The following ST3GAL4 variants were observed in gnomAD, a reference collection of about 807,000 sequenced individuals.
The protein encoded by ST3GAL4 is ST3 beta-galactoside alpha-2,3-sialyltransferase 4.
Under a neutral mutation model 42.6 loss-of-function variants are expected in ST3GAL4, and 24 were observed. The ratio of observed to expected loss-of-function variants is 0.56; its 90% CI spans 0.41 to 0.79. The LOEUF is 0.79. Among genes scored for constraint, ST3GAL4 ranks in the 30% least tolerant of loss-of-function variants. ST3GAL4 has a pLI of 0.00. For missense variants in ST3GAL4, 311 were observed against 430.8 expected, an observed-to-expected ratio of 0.72 and a Z score of 2.46; for synonymous variants, 135 against 163.2, an observed-to-expected ratio of 0.83 and a Z score of 1.32.
chr11:126,392,978 T>G lies in ST3GAL4; in HGVS notation c.-60-13118T>G, dbSNP rs1953575636. On this transcript the variant is annotated intron_variant, in intron 1 of 10. Coordinates refer to ENST00000444328, the MANE Select transcript of ST3GAL4 (RefSeq NM_001254757.2). The surrounding 1 kb of genome is among the most constrained non-coding windows in gnomAD (Gnocchi z 5.8). ...TCCTGTTCTTTTTTTTTTTTTTTTT[T>G]GAGACAGGCTAGAGTGCAGGGGGAC... Among the ~76,000 whole-genome samples the G allele has an allele frequency of 6.9e-6, 1 of 144,632 alleles. No homozygotes were observed. Among genetic ancestry groups the G allele is most frequent in the Non-Finnish European group, 1.5e-5 (1 of 65,998 alleles). The allele number at this position is 144,632 out of a possible 152,430, so 94.9% of individuals were successfully genotyped here.
intron 1 of ST3GAL4, among the ~76,000 whole-genome samples, chr11:126,402,472 A>C (rs1434850765): frequency 2.0e-5 from 3 of 151,340 alleles, no homozygotes; most frequent in Admixed American, 6.6e-5. Flanking sequence ...AAAAAAAAGA[A>C]GAAGAAGAAG....
intron 1 of ST3GAL4, among the ~76,000 whole-genome samples, chr11:126,382,190 G>A (rs1264566356): frequency 2.7e-5 from 4 of 150,670 alleles, no homozygotes; most frequent in Admixed American, 1.3e-4. Context: ...GCCAGTCCTG[G>A]GTGTGTTCTC....
chr11:126,368,104 G>A (rs1194367002), intron 1 of ST3GAL4, among the ~76,000 whole-genome samples: 2 of 149,616 alleles, frequency 1.3e-5, no homozygotes, highest in Admixed American at 6.7e-5. Context: ...CCAAGATCAC[G>A]CCACTGAACT....
chr11:126,368,171 C>G (rs1006940164), intron 1 of ST3GAL4, among the ~76,000 whole-genome samples: 1 of 150,828 alleles, frequency 6.6e-6, no homozygotes, highest in Non-Finnish European at 1.5e-5. Flanking sequence ...AGATTATGCA[C>G]AGCACCTGCA....
chr11:126,358,587 G>A (rs1952151155), intron 1 of ST3GAL4: 3 of 366,766 alleles, frequency 8.2e-6, no homozygotes, highest in Admixed American at 2.8e-5. Context: ...AGCAGCGTGC[G>A]ATGCCCAGGC....
chr11:126,360,599 C>G (rs890951526), intron 1 of ST3GAL4, among the ~76,000 whole-genome samples: 1 of 151,970 alleles, frequency 6.6e-6, no homozygotes, highest in South Asian at 2.1e-4. Flanking sequence ...AATTTTTGTA[C>G]TTTTAGTAGA....
At chr11:126,364,472 C>T (rs1396695180) in intron 1 of ST3GAL4, among the ~76,000 whole-genome samples, 1 of 141,588 alleles carries the variant, frequency 7.1e-6, no homozygotes, top group Non-Finnish European at 1.5e-5. Context: ...GATGCTTTGT[C>T]TTCTTTTCTT....
chr11:126,360,402 C>T (rs1952206151), intron 1 of ST3GAL4, among the ~76,000 whole-genome samples: 1 of 152,128 alleles, frequency 6.6e-6, no homozygotes, highest in South Asian at 2.1e-4. Flanking sequence ...TGCCATGTTG[C>T]CCAGGCTGGT....
intron 1 of ST3GAL4, among the ~76,000 whole-genome samples, chr11:126,385,335 G>T (rs1275552576): frequency 6.6e-6 from 1 of 151,730 alleles, no homozygotes. Flanking sequence ...TTTATTTTTA[G>T]TAGAGACAGG....
rs1332061456 is a variant in ST3GAL4 at position 126,386,834 on chromosome 11, C to G, written c.-60-19262C>G. Among the ~76,000 whole-genome samples the G allele has an allele frequency of 6.6e-6, 1 of 152,182 alleles. No homozygotes were observed. Among genetic ancestry groups the G allele is most frequent in the Non-Finnish European group, 1.5e-5 (1 of 68,046 alleles). ...GGAGAGGAGAGGAGGAAGTTAGCTG[C>G]TCTGAATGGTGTTGCTGCTAATCTC... On this transcript the variant is annotated intron_variant, in intron 1 of 10. Transcript: ENST00000444328. The surrounding 1 kb of genome is among the most constrained non-coding windows in gnomAD (Gnocchi z 4.7).
At chr11:126,403,754 G>A (rs987224887) in intron 1 of ST3GAL4, among the ~76,000 whole-genome samples, 2 of 152,192 alleles carry the variant, frequency 1.3e-5, no homozygotes, top group African/African-American at 4.8e-5. Flanking sequence ...GAGGGATCCT[G>A]GTTCGGAGCA....
Position 126,406,836 on chromosome 11 carries a change from C to T in ST3GAL4, c.102-107C>T, listed in dbSNP as rs1954254786. On this transcript the variant is annotated intron_variant, in intron 3 of 10. Coordinates refer to ENST00000444328, the MANE Select transcript of ST3GAL4 (RefSeq NM_001254757.2). This position sits in a 1 kb window ranked among gnomAD's most constrained non-coding sequence, Gnocchi z 5.4. ...GGAACTTAACTTGAGATGATTCCTC[C>T]CCGGCACCTTGGGACCTTCATGCCG... 2 of 1,107,296 alleles carry T rather than the reference C, an allele frequency of 1.8e-6. No individual in the cohort carries two copies. The highest frequency in any genetic ancestry group is 1.9e-5 in the Admixed American group (1 of 51,346). The allele number at this position is 1,107,296 out of a possible 1,614,324, so 68.6% of individuals were successfully genotyped here. A position where few individuals can be genotyped will look rare whatever the true frequency, so the allele number is the denominator to read the frequency against.
chr11:126,408,580 C>T, intron 8 of ST3GAL4, 84 bp downstream of exon 8: 1 of 1,494,772 alleles, frequency 6.7e-7, no homozygotes, highest in Non-Finnish European at 9.1e-7. Flanking sequence ...TGATGTCCGC[C>T]TGGCAGTCCT....
At chr11:126,401,016 G>A (rs1239715604) in intron 1 of ST3GAL4, among the ~76,000 whole-genome samples, 1 of 152,062 alleles carries the variant, frequency 6.6e-6, no homozygotes, top group Non-Finnish European at 1.5e-5. Context: ...GGGAGACTGG[G>A]TTGATAATAT....
rs1952936729 is a variant in ST3GAL4 at position 126,379,943 on chromosome 11, G to T, written c.-61+24101G>T. On this transcript the variant is annotated intron_variant, in intron 1 of 10. Coordinates refer to ENST00000444328, the MANE Select transcript of ST3GAL4 (RefSeq NM_001254757.2). The surrounding 1 kb of genome is among the most constrained non-coding windows in gnomAD (Gnocchi z 4.2). ...TGTCTTTCAATGGGGCTCAAGGGCA[G>T]TTGTTCTCTGCTGTCTTTTACAAAA... is the stretch of plus-strand genomic sequence containing the variant. Among the ~76,000 whole-genome samples, 2 of 152,120 alleles carry T rather than the reference G, an allele frequency of 1.3e-5. No individual in the cohort carries two copies. The highest frequency in any genetic ancestry group is 2.4e-5 in the African/African-American group (1 of 41,426).
At chr11:126,369,793 C>G (rs1952574171) in intron 1 of ST3GAL4, among the ~76,000 whole-genome samples, 1 of 152,220 alleles carries the variant, frequency 6.6e-6, no homozygotes, top group African/African-American at 2.4e-5. Flanking sequence ...GAAAGTCACT[C>G]TCCCACCCGC....
At chr11:126,407,113 AGCT>A in intron 4 of ST3GAL4, 90 bp downstream of exon 4, 1 of 1,488,694 alleles carries the variant, frequency 6.7e-7, no homozygotes, top group Non-Finnish European at 9.4e-7. Flanking sequence ...TGGAAAGAGC[AGCT>A]GTGTTGGTGG....
Position 126,414,582 on chromosome 11 carries a change from C to G in ST3GAL4, c.*535C>G, listed in dbSNP as rs921005713. The G allele has an allele frequency of 1.9e-5, 3 of 156,618 alleles. No individual in the cohort carries two copies. The highest frequency in any genetic ancestry group is 7.2e-5 in the African/African-American group (3 of 41,416). The allele number at this position is 156,618 out of a possible 1,614,324, so 9.7% of individuals were successfully genotyped here. ...TGTGGGGGTTCCACCGAGAAGGGGA[C>G]CTCATCTAGAAAAGAGGTTACAAAC... On this transcript the variant is annotated 3_prime_UTR_variant, in exon 11 of 11. Coordinates refer to ENST00000444328, the MANE Select transcript of ST3GAL4 (RefSeq NM_001254757.2).
chr11:126,374,504 A>G (rs1387548296), intron 1 of ST3GAL4, among the ~76,000 whole-genome samples: 1 of 150,900 alleles, frequency 6.6e-6, no homozygotes, highest in Non-Finnish European at 1.5e-5. Context: ...CTGGATGAAG[A>G]GAGATAGCCA....
Sources: gnomAD v4.1 joint callset for allele counts (sites outside exome capture counted in the v4.1 genomes callset) on GRCh38, gnomAD v4.1.1 for gene constraint, Gnocchi (gnomAD v3.1) non-coding constraint, MANE v1.5 for transcripts, NCBI Gene and HGNC (gene_info 2026-07-23, HGNC 2026-07-21) for gene names.